KDM4B: variants seen among roughly 807,000 people sequenced by gnomAD.
KDM4B encodes the protein lysine-specific demethylase 4B.
Under a neutral mutation model 125.2 loss-of-function variants are expected in KDM4B, and 32 were observed. The ratio of observed to expected loss-of-function variants is 0.26; its 90% CI spans 0.19 to 0.34. KDM4B has a LOEUF of 0.34. Ranked by LOEUF, KDM4B falls within the 10% of genes least tolerant of loss-of-function variation. The pLI is 1.00. For missense variants in KDM4B, 1,190 were observed against 1,577.7 expected, an observed-to-expected ratio of 0.75 and a Z score of 4.16; for synonymous variants, 721 against 677.9, an observed-to-expected ratio of 1.06 and a Z score of -0.99.
At chr19:5,100,716 CTT>C (rs1310875759) in intron 9 of KDM4B, among the ~76,000 whole-genome samples, 1 of 152,172 alleles carries the variant, frequency 6.6e-6, no homozygotes, top group Non-Finnish European at 1.5e-5. Flanking sequence ...CACTTGGCCT[CTT>C]TGTCTTTTTT....
chr19:5,016,709 C>T (rs562390724), intron 2 of KDM4B, among the ~76,000 whole-genome samples: 56 of 152,330 alleles, frequency 3.7e-4, no homozygotes, highest in Middle Eastern at 3.4e-3. Context: ...GCTCAAGGGG[C>T]GTTCCCCCAC....
intron 7 of KDM4B, among the ~76,000 whole-genome samples, chr19:5,072,621 T>A (rs2037983602): frequency 6.6e-6 from 1 of 152,218 alleles, no homozygotes; most frequent in African/African-American, 2.4e-5. Context: ...AATACCAATT[T>A]CCAAAACAAA....
intron 1 of KDM4B, among the ~76,000 whole-genome samples, chr19:4,998,863 A>G (rs1481602110): frequency 3.9e-5 from 6 of 152,182 alleles, no homozygotes. Flanking sequence ...CAGGCCACAC[A>G]CTTTTGGCAG....
At chr19:5,068,609 C>T (rs938228700) in intron 6 of KDM4B, among the ~76,000 whole-genome samples, 1 of 152,226 alleles carries the variant, frequency 6.6e-6, no homozygotes, top group African/African-American at 2.4e-5. Context: ...GCAGGTCTGC[C>T]AGCATCAGGT....
intron 9 of KDM4B, among the ~76,000 whole-genome samples, chr19:5,090,149 C>A (rs1053487976): frequency 6.6e-6 from 1 of 152,306 alleles, no homozygotes; most frequent in Admixed American, 6.5e-5. Flanking sequence ...CATTGCTGAG[C>A]GCCTGCCGTG....
chr19:5,021,188 G>C lies in KDM4B; in HGVS notation c.-26+4849G>C, dbSNP rs144205904. ...AAAACACCCCTGGCTGCAGGCTTCGGGCGGCCCTGTGTCCTCCAGCTCTTG... is the reference window on the plus strand; with the variant it reads ...AAAACACCCCTGGCTGCAGGCTTCGCGCGGCCCTGTGTCCTCCAGCTCTTG... On this transcript the variant is annotated intron_variant, in intron 2 of 22. Transcript: ENST00000159111. 5.3e-3 allele frequency among the ~76,000 whole-genome samples: 798 copies of C among 151,972 alleles called. 24 individuals are homozygous for C. Among genetic ancestry groups the C allele is most frequent in the Admixed American group, 0.031 (475 of 15,272 alleles).
At position 5,117,845 on chromosome 19, in the gene KDM4B, G is replaced by A. The variant is rs143718882; in HGVS notation, c.1116-1808G>A. Among the ~76,000 whole-genome samples the A allele has an allele frequency of 3.9e-5, 6 of 152,230 alleles. No homozygotes were observed. The East Asian group carries it at 9.7e-4, about 24-fold the overall frequency. On this transcript the variant is annotated intron_variant, in intron 10 of 22. Transcript: ENST00000159111. ...GTGATGCCATGCCTCTGGTCCACCCGCTTTCTGCCTTGAGTCATTGTGGTG... is the reference window on the plus strand; with the variant it reads ...GTGATGCCATGCCTCTGGTCCACCCACTTTCTGCCTTGAGTCATTGTGGTG...
intron 3 of KDM4B, among the ~76,000 whole-genome samples, chr19:5,034,107 C>T (rs2036542902): frequency 6.6e-6 from 1 of 152,206 alleles, no homozygotes; most frequent in African/African-American, 2.4e-5. Flanking sequence ...GCACTCCAGC[C>T]TGGACGACAG....
chr19:5,005,263 G>A (rs1414013768), intron 1 of KDM4B, among the ~76,000 whole-genome samples: 1 of 152,202 alleles, frequency 6.6e-6, no homozygotes, highest in Non-Finnish European at 1.5e-5. Flanking sequence ...CAGATGCCCG[G>A]GGCAGCTGGC....
At chr19:4,998,389 A>T (rs934707097) in intron 1 of KDM4B, among the ~76,000 whole-genome samples, 1 of 152,220 alleles carries the variant, frequency 6.6e-6, no homozygotes, top group Non-Finnish European at 1.5e-5. Context: ...TGACCCCAAA[A>T]TTGCAAGAAT....
In KDM4B at chr19:5,110,671, G is replaced by A. The variant is rs774551918; in HGVS notation, c.968G>A (p.Arg323His). The change falls in exon 10 of 23, where the codon CGC becomes CAC. Residue 323 changes from arginine to histidine, a missense_variant. Physicochemically the swap from Arg to His is conservative, Grantham distance 29. Coordinates refer to ENST00000159111, the MANE Select transcript of KDM4B (RefSeq NM_015015.3). Reference sequence around the variant, plus strand: ...AAGATCTCCATGGACGTGTTCGTGCGCATCCTGCAGCCCGAGCGCTACGAG... The same window carrying A: ...AAGATCTCCATGGACGTGTTCGTGCACATCCTGCAGCCCGAGCGCTACGAG... Reference protein sequence around the residue: ...MVKISMDVFVRILQPERYELW... With the variant: ...MVKISMDVFVHILQPERYELW... 7 of 1,613,026 alleles carry A rather than the reference G, an allele frequency of 4.3e-6. No individual in the cohort carries two copies. Among genetic ancestry groups the A allele is most frequent in the African/African-American group, 2.7e-5 (2 of 75,034 alleles).
rs756604474 is a variant in KDM4B, at chr19:5,077,431, G to A, written c.741G>A (p.Ser247=). Reference sequence around the variant, plus strand: ...TGCGGCATAAGATGACCCTCATCTCGCCCATCATCCTGAAGAAGTACGGGA... The same window carrying A: ...TGCGGCATAAGATGACCCTCATCTCACCCATCATCCTGAAGAAGTACGGGA... ...AFLRHKMTLI[S]PIILKKYGIP... Residue 247 remains serine (S), a synonymous_variant, in exon 8 of 23, where the codon TCG becomes TCA. Coordinates refer to ENST00000159111, the MANE Select transcript of KDM4B (RefSeq NM_015015.3). The A allele has an allele frequency of 6.2e-6, 10 of 1,613,296 alleles. No homozygotes were observed. The highest frequency in any genetic ancestry group is 4.0e-5 in the African/African-American group (3 of 74,936).
intron 1 of KDM4B, among the ~76,000 whole-genome samples, chr19:4,996,074 T>G (rs544014546): frequency 3.9e-5 from 6 of 152,238 alleles, no homozygotes; most frequent in East Asian, 1.9e-4. Context: ...CACCGCAGCC[T>G]CCTCCTCCCA....
intron 13 of KDM4B, among the ~76,000 whole-genome samples, chr19:5,132,905 C>T (rs1490724798): frequency 6.6e-6 from 1 of 152,188 alleles, no homozygotes; most frequent in South Asian, 2.1e-4. Flanking sequence ...GCGGTACTGT[C>T]TGGTTTGGGT....
At chr19:5,047,944 G>A (rs1024747143) in intron 6 of KDM4B, among the ~76,000 whole-genome samples, 5 of 152,214 alleles carry the variant, frequency 3.3e-5, no homozygotes, top group Admixed American at 1.3e-4. Flanking sequence ...GGCCCCAGGT[G>A]TCCCCATGGC....
chr19:5,099,721 G>A (rs775492468), intron 9 of KDM4B, among the ~76,000 whole-genome samples: 3 of 152,204 alleles, frequency 2.0e-5, no homozygotes, highest in Non-Finnish European at 2.9e-5. Context: ...CCTCATGGAG[G>A]AGATCAGAGC....
At chr19:5,008,712 C>T (rs1406749094) in intron 1 of KDM4B, among the ~76,000 whole-genome samples, 2 of 150,836 alleles carry the variant, frequency 1.3e-5, no homozygotes, top group African/African-American at 4.9e-5. Context: ...TGCTTCAGTC[C>T]CCTGATTAGC....
rs890731209 is a variant in KDM4B at position 5,144,838 on chromosome 19, G to A, written c.2957G>A (p.Arg986Gln). The A allele has an allele frequency of 5.0e-6, 8 of 1,613,206 alleles. No individual in the cohort carries two copies. Among genetic ancestry groups the A allele is most frequent in the Admixed American group, 3.3e-5 (2 of 59,922 alleles). The change falls in exon 21 of 23, where the codon CGG (arginine) becomes CAG (glutamine). Residue 986 changes from arginine to glutamine, a missense_variant. Physicochemically the swap from Arg to Gln is conservative, Grantham distance 43. Around this residue, in one of 7 missense-constraint regions of KDM4B, gnomAD observed 298 missense variants for 439.7 expected, o/e 0.68. Coordinates refer to ENST00000159111, the MANE Select transcript of KDM4B (RefSeq NM_015015.3). ...PPSEGELVEL[R>Q]WTDGNLYKAK... Reference sequence around the variant, plus strand: ...TCCGAGGGGGAGCTGGTGGAGCTCCGGTGGACTGACGGCAACCTCTACAAG... The same window carrying A: ...TCCGAGGGGGAGCTGGTGGAGCTCCAGTGGACTGACGGCAACCTCTACAAG...
intron 6 of KDM4B, among the ~76,000 whole-genome samples, chr19:5,048,201 G>A (rs1049948671): frequency 1.3e-5 from 2 of 152,220 alleles, no homozygotes; most frequent in African/African-American, 2.4e-5. Context: ...GGGAGGTGCC[G>A]GGTGCAGCGT....
Sources: gnomAD v4.1 joint callset for allele counts (sites outside exome capture counted in the v4.1 genomes callset) on GRCh38, gnomAD v4.1.1 for gene constraint, gnomAD v4.1.1 regional missense constraint, MANE v1.5 for transcripts, NCBI Gene and HGNC (gene_info 2026-07-23, HGNC 2026-07-21) for gene names.